Variants in SSPN observed in about 807,000 individuals in gnomAD.
SSPN encodes K-ras oncogene-associated protein.
A neutral mutation model predicts 19.1 loss-of-function variants in SSPN; 15 were observed. The ratio of observed to expected loss-of-function variants is 0.78; its 90% confidence interval spans 0.52 to 1.21. SSPN has a LOEUF of 1.21. SSPN is among the 50% of genes most tolerant of loss of function. SSPN has a pLI of 0.00. For missense variants in SSPN, 291 were observed against 314.0 expected (o/e 0.93, Z 0.55); for synonymous variants, 147 against 140.3 (o/e 1.05, Z -0.34).
At chr12:26,197,107 G>C (rs984873205) in intron 1 of SSPN, among the ~76,000 whole-genome samples, 3 of 152,178 alleles carry the variant, frequency 2.0e-5, no homozygotes, top group African/African-American at 7.2e-5. Context: ...AATCAAGAGA[G>C]ACTAGAAATG....
intron 1 of SSPN, among the ~76,000 whole-genome samples, chr12:26,209,793 AGCGT>A (rs896583464): frequency 4.1e-5 from 4 of 97,950 alleles, no homozygotes; most frequent in African/African-American, 1.6e-4. Flanking sequence ...TGATTCTTAG[AGCGT>A]GTGTGTGTGT....
At chr12:26,196,377 A>G (rs1386499637) in intron 1 of SSPN, among the ~76,000 whole-genome samples, 1 of 152,226 alleles carries the variant, frequency 6.6e-6, no homozygotes, top group African/African-American at 2.4e-5. Context: ...GAGAGGAGAA[A>G]GCCTGTACTT....
intron 1 of SSPN, among the ~76,000 whole-genome samples, chr12:26,186,673 T>A (rs1468074567): frequency 6.6e-6 from 1 of 152,218 alleles, no homozygotes; most frequent in Admixed American, 6.5e-5. Context: ...CTGAGTGAGA[T>A]TCACCTGGGT....
intron 1 of SSPN, among the ~76,000 whole-genome samples, chr12:26,168,121 G>C (rs1171948386): frequency 6.6e-6 from 1 of 151,798 alleles, no homozygotes; most frequent in East Asian, 1.9e-4. Context: ...GCTGAGGTGG[G>C]AGGATCACTT....
At chr12:26,187,727 T>C (rs1944762720) in intron 1 of SSPN, among the ~76,000 whole-genome samples, 1 of 152,054 alleles carries the variant, frequency 6.6e-6, no homozygotes, top group Non-Finnish European at 1.5e-5. Context: ...CCTCTAGGGG[T>C]CATTCTGGAA....
intron 1 of SSPN, among the ~76,000 whole-genome samples, chr12:26,156,352 AGC>A (rs1242090273): frequency 6.6e-6 from 1 of 152,216 alleles, no homozygotes; most frequent in African/African-American, 2.4e-5. Context: ...GGAAGTGCTA[AGC>A]CTGGGTGTGA....
chr12:26,228,627 T>A (rs1482854209), intron 2 of SSPN, among the ~76,000 whole-genome samples: 1 of 150,316 alleles, frequency 6.7e-6, no homozygotes, highest in Non-Finnish European at 1.5e-5. Context: ...CTCTGCTGGC[T>A]GTACTGGGAA....
chr12:26,185,769 C>T lies in SSPN; in HGVS notation c.-30-38524C>T, dbSNP rs144349757. On this transcript the variant is annotated intron_variant, in intron 1 of 2. Coordinates refer to the SSPN transcript ENST00000538142. ...TTCCCGGCACATTTCCTAACACAGA[C>T]TGTGCCTGAGATTGACATGCTGTAG... Among the ~76,000 whole-genome samples, 8 of 152,342 alleles carry T rather than the reference C, an allele frequency of 5.3e-5. No individual in the cohort carries two copies. In the East Asian group the frequency reaches 1.5e-3, roughly 29 times the overall value.
intron 1 of SSPN, among the ~76,000 whole-genome samples, chr12:26,169,179 T>C (rs1944639523): frequency 6.6e-6 from 1 of 152,140 alleles, no homozygotes; most frequent in African/African-American, 2.4e-5. Flanking sequence ...AAGAATTGAT[T>C]CTGTTTTCTA....
intron 1 of SSPN, among the ~76,000 whole-genome samples, chr12:26,171,627 T>C (rs908643844): frequency 3.3e-5 from 2 of 61,064 alleles, no homozygotes; most frequent in Non-Finnish European, 5.6e-5. Flanking sequence ...TTTCCCTATT[T>C]TTTTTTTTGT....
intron 1 of SSPN, among the ~76,000 whole-genome samples, chr12:26,175,539 A>G (rs934345448): frequency 6.6e-6 from 1 of 152,036 alleles, no homozygotes; most frequent in African/African-American, 2.4e-5. Context: ...TGTGATTTTT[A>G]TGGGAATTTT....
In SSPN at chr12:26,234,756, A is replaced by C. The variant is rs1945268639; in HGVS notation, c.*3680A>C. On this transcript the variant is annotated 3_prime_UTR_variant, in exon 3 of 3. Transcript: ENST00000242729. ...GTAATGCAGATTTTCTTTATTAATAAAATTTTCATAATCTCTGAAAACACT... is the reference window on the plus strand; with the variant it reads ...GTAATGCAGATTTTCTTTATTAATACAATTTTCATAATCTCTGAAAACACT... 6.6e-6 allele frequency: 1 copy of C among 152,252 alleles called. No individual in the cohort carries two copies. The highest frequency in any genetic ancestry group is 1.5e-5 in the Non-Finnish European group (1 of 68,034). The allele number at this position is 152,252 out of a possible 1,614,324, so 9.4% of individuals were successfully genotyped here. A position where few individuals can be genotyped will look rare whatever the true frequency, so the allele number is the denominator to read the frequency against.
chr12:26,230,567 G>T, intron 2 of SSPN, 144 bp from the exon 3 acceptor site: 1 of 859,536 alleles, frequency 1.2e-6, no homozygotes. Flanking sequence ...CCATGTCTTG[G>T]GTGTTGTGTT....
chr12:26,172,056 T>G (rs930771207), intron 1 of SSPN, among the ~76,000 whole-genome samples: 2 of 151,954 alleles, frequency 1.3e-5, no homozygotes, highest in Non-Finnish European at 2.9e-5. Context: ...TTCATGAGAG[T>G]CTCTTATAAT....
intron 1 of SSPN, 131 bp from the exon 2 acceptor site, chr12:26,224,162 A>G (rs564243971): frequency 3.0e-6 from 2 of 671,014 alleles, no homozygotes; most frequent in South Asian, 3.8e-5. Flanking sequence ...AAAACACAGT[A>G]CATAAAGATA....
At chr12:26,177,091 A>G (rs1035882988) in intron 1 of SSPN, among the ~76,000 whole-genome samples, 1 of 152,232 alleles carries the variant, frequency 6.6e-6, no homozygotes, top group African/African-American at 2.4e-5. Flanking sequence ...AAAGAAAAAA[A>G]GTTCAGAATA....
intron 1 of SSPN, chr12:26,122,759 G>A: frequency 6.3e-7 from 1 of 1,595,288 alleles, no homozygotes. Flanking sequence ...TGCCTTTCTC[G>A]CGGTCCGGCC....
rs992825559 is a variant in SSPN at position 26,231,086 on chromosome 12, T to C, written c.*10T>C. On this transcript the variant is annotated 3_prime_UTR_variant, in exon 3 of 3. Coordinates refer to ENST00000242729, the MANE Select transcript of SSPN (RefSeq NM_005086.5). Reference sequence around the variant, plus strand: ...CCAGCAAAAGATCTAACATTCTTGCTCAAAGTTGCGAGAGAAAGTAGCACA... The same window carrying C: ...CCAGCAAAAGATCTAACATTCTTGCCCAAAGTTGCGAGAGAAAGTAGCACA... 1.9e-6 allele frequency: 3 copies of C among 1,602,940 alleles called. No homozygotes were observed. Among genetic ancestry groups the C allele is most frequent in the Non-Finnish European group, 2.6e-6 (3 of 1,172,656 alleles).
At chr12:26,177,144 G>C (rs779848022) in intron 1 of SSPN, among the ~76,000 whole-genome samples, 13 of 152,168 alleles carry the variant, frequency 8.5e-5, no homozygotes, top group Non-Finnish European at 1.8e-4. Context: ...ATAGGGTTGT[G>C]GTGAGGATCC....
Sources: gnomAD v4.1 joint callset for allele counts (sites outside exome capture counted in the v4.1 genomes callset) on GRCh38, gnomAD v4.1.1 for gene constraint, MANE v1.5 for transcripts, NCBI Gene and HGNC (gene_info 2026-07-23, HGNC 2026-07-21) for gene names.